Variants in MEIG1 observed in about 807,000 individuals in gnomAD.
The protein encoded by MEIG1 is meiosis expressed gene 1 protein homolog.
Under a neutral mutation model 11.3 loss-of-function variants are expected in MEIG1, and 12 were observed. The observed-to-expected ratio is 1.07, with a 90% CI of 0.68 to 1.73. The LOEUF (loss-of-function observed/expected upper bound fraction) is 1.73. Among genes scored for constraint, MEIG1 ranks in the 40% most tolerant of loss-of-function variants. The pLI, the probability that MEIG1 is intolerant of heterozygous loss-of-function variation, is 0.00. For missense variants in MEIG1, 119 were observed against 104.9 expected, an observed-to-expected ratio of 1.13 and a Z score of -0.59; for synonymous variants, 41 against 33.2, an observed-to-expected ratio of 1.24 and a Z score of -0.81.
At chr10:14,979,052 A>G (rs1843238929) in intron 1 of MEIG1, among the ~76,000 whole-genome samples, 1 of 151,944 alleles carries the variant, frequency 6.6e-6, no homozygotes, top group Admixed American at 6.6e-5. Flanking sequence ...GTTACTACTA[A>G]TGCCACAATA....
intron 1 of MEIG1, among the ~76,000 whole-genome samples, chr10:14,962,302 G>A (rs1390200473): frequency 6.6e-6 from 1 of 151,298 alleles, no homozygotes; most frequent in Non-Finnish European, 1.5e-5. Flanking sequence ...TGAAAGTAAG[G>A]GCAAAAAAAA....
downstream of MEIG1, among the ~76,000 whole-genome samples, chr10:14,974,882 G>A (rs3927740): frequency 0.68 from 102,596 of 151,766 alleles, 34,891 homozygotes; most frequent in African/African-American, 0.7. Flanking sequence ...ATCAATATTG[G>A]TAATAGATAT....
intron 1 of MEIG1, among the ~76,000 whole-genome samples, chr10:14,981,677 T>A (rs2131283104): frequency 6.6e-6 from 1 of 152,314 alleles, no homozygotes; most frequent in Middle Eastern, 3.4e-3. Flanking sequence ...TCTGCGAGGT[T>A]GAGCCGGGCC....
At chr10:14,980,961 C>G (rs534833973) in intron 1 of MEIG1, among the ~76,000 whole-genome samples, 2 of 150,448 alleles carry the variant, frequency 1.3e-5, no homozygotes, top group East Asian at 3.9e-4. Flanking sequence ...TGTAGCTTGA[C>G]GAAGCAAGCG....
intron 1 of MEIG1, among the ~76,000 whole-genome samples, chr10:14,979,213 T>A (rs762541224): frequency 2.6e-5 from 4 of 151,804 alleles, no homozygotes; most frequent in Admixed American, 6.6e-5. Flanking sequence ...ATATTACCCG[T>A]GATGTTCTAG....
In MEIG1 at chr10:14,964,564, A is replaced by AGTGTGTGTGT. The variant is rs151283080; in HGVS notation, c.-29-1863_-29-1854dup. On this transcript the variant is annotated intron_variant, in intron 1 of 2. Transcript: ENST00000407572. Reference sequence around the variant, plus strand: ...TTTCCTTTATATATATGTATATAAGAGTGTGTGTGTGTGTGTGTGTGTATA... The same window carrying AGTGTGTGTGT: ...TTTCCTTTATATATATGTATATAAGAGTGTGTGTGTGTGTGTGTGTGTGTGTGTGTGTATA... Among the ~76,000 whole-genome samples, 212 of 104,432 alleles carry AGTGTGTGTGT rather than the reference A, an allele frequency of 2.0e-3. 2 individuals are homozygous for AGTGTGTGTGT. Among genetic ancestry groups the AGTGTGTGTGT allele is most frequent in the African/African-American group, 7.8e-3 (192 of 24,602 alleles). 68.5% of individuals were successfully genotyped at this position (104,432 alleles called of 152,430 possible). A position where few individuals can be genotyped will look rare whatever the true frequency, so the allele number is the denominator to read the frequency against.
downstream of MEIG1, among the ~76,000 whole-genome samples, chr10:14,973,606 A>G (rs920587418): frequency 6.6e-6 from 1 of 151,798 alleles, no homozygotes; most frequent in African/African-American, 2.4e-5. Flanking sequence ...TGTCTCTACT[A>G]AAAAATACAA....
chr10:14,974,480 T>C (rs1843189840), downstream of MEIG1, among the ~76,000 whole-genome samples: 1 of 152,104 alleles, frequency 6.6e-6, no homozygotes, highest in Non-Finnish European at 1.5e-5. Flanking sequence ...CTCCACTACG[T>C]GACCATCCTC....
chr10:14,962,764 T>A (rs903238743), intron 1 of MEIG1, among the ~76,000 whole-genome samples: 1 of 143,340 alleles, frequency 7.0e-6, no homozygotes, highest in African/African-American at 2.6e-5. Flanking sequence ...AATTTGGAAT[T>A]TTTTTTTTTT....
intron 2 of MEIG1, among the ~76,000 whole-genome samples, chr10:14,971,092 A>G (rs1195617912): frequency 6.6e-6 from 1 of 152,006 alleles, no homozygotes; most frequent in Admixed American, 6.6e-5. Context: ...TACAAGAAGG[A>G]ATGGTAGGAG....
At chr10:14,975,652 C>G (rs1387563853), downstream of MEIG1, among the ~76,000 whole-genome samples, 19 of 151,906 alleles carry the variant, frequency 1.3e-4, no homozygotes, top group Admixed American at 1.2e-3. Flanking sequence ...TGTACAGCCC[C>G]CCTGTGATAT....
At chr10:14,974,720 C>A (rs868770942), downstream of MEIG1, among the ~76,000 whole-genome samples, 2 of 151,870 alleles carry the variant, frequency 1.3e-5, no homozygotes, top group African/African-American at 4.8e-5. Flanking sequence ...CTCACGATAA[C>A]AATAAATGAT....
At chr10:14,983,007 T>C (rs1399995145) in intron 1 of MEIG1, among the ~76,000 whole-genome samples, 1 of 152,096 alleles carries the variant, frequency 6.6e-6, no homozygotes, top group Non-Finnish European at 1.5e-5. Context: ...TTAATATTGG[T>C]AATAGATATT....
intron 1 of MEIG1, among the ~76,000 whole-genome samples, chr10:14,979,536 C>T (rs567192055): frequency 3.5e-4 from 53 of 152,102 alleles, no homozygotes; most frequent in Middle Eastern, 3.4e-3. Flanking sequence ...GGTGTACACC[C>T]TGTGTTATTA....
chr10:14,974,646 A>G (rs959489054), downstream of MEIG1, among the ~76,000 whole-genome samples: 1 of 152,152 alleles, frequency 6.6e-6, no homozygotes, highest in Admixed American at 6.6e-5. Flanking sequence ...CAATATTAAT[A>G]ACTGATCATA....
At chr10:14,968,076 T>A (rs1843108040) in intron 2 of MEIG1, among the ~76,000 whole-genome samples, 1 of 152,214 alleles carries the variant, frequency 6.6e-6, no homozygotes, top group Non-Finnish European at 1.5e-5. Flanking sequence ...AGTTGTTTAT[T>A]TTTATTTTTT....
intron 2 of MEIG1, among the ~76,000 whole-genome samples, chr10:14,969,166 G>A (rs1040715500): frequency 6.6e-6 from 1 of 152,248 alleles, no homozygotes; most frequent in Non-Finnish European, 1.5e-5. Flanking sequence ...CTCATAGGCG[G>A]CCAGCTGTGG....
intron 2 of MEIG1, among the ~76,000 whole-genome samples, chr10:14,967,605 A>G (rs1445401115): frequency 6.6e-6 from 1 of 151,676 alleles, no homozygotes; most frequent in East Asian, 1.9e-4. Context: ...CCCGGGTTCA[A>G]GTGATTCTTA....
At chr10:14,974,195 A>C (rs1210344570), downstream of MEIG1, among the ~76,000 whole-genome samples, 2 of 152,072 alleles carry the variant, frequency 1.3e-5, no homozygotes, top group Admixed American at 6.6e-5. Context: ...GGTTCCTGGT[A>C]ACTGGGTCCT....
Sources: allele counts gnomAD v4.1 joint callset (sites outside exome capture counted in the v4.1 genomes callset), GRCh38; gene constraint gnomAD v4.1.1; transcripts MANE v1.5; gene names NCBI Gene and HGNC (gene_info 2026-07-23, HGNC 2026-07-21).